MED13: variants seen among roughly 807,000 people sequenced by gnomAD.
The protein encoded by MED13 is mediator complex subunit 13, also known as mediator of RNA polymerase II transcription subunit 13.
A neutral mutation model predicts 225.2 loss-of-function variants in MED13; 23 were observed. That is an observed-to-expected ratio of 0.10 (90% CI 0.07 to 0.14). The LOEUF (loss-of-function observed/expected upper bound fraction) is 0.14, where lower values mean the gene tolerates loss of function less well. MED13 is among the 10% of genes least tolerant of loss of function. The pLI is 1.00. For missense variants in MED13, 2,197 were observed against 2,594.5 expected (o/e 0.85, Z 3.33); for synonymous variants, 942 against 889.2 (o/e 1.06, Z -1.06).
intron 10 of MED13, among the ~76,000 whole-genome samples, chr17:61,993,099 C>T (rs904351489): frequency 4.0e-5 from 6 of 151,694 alleles, no homozygotes; most frequent in African/African-American, 1.5e-4. Context: ...AAAGTAGAGA[C>T]TCTAATGTGC....
intron 9 of MED13, among the ~76,000 whole-genome samples, chr17:62,000,720 A>G (rs1218747747): frequency 6.6e-6 from 1 of 152,184 alleles, no homozygotes; most frequent in Non-Finnish European, 1.5e-5. Flanking sequence ...TTCATTATTT[A>G]GCAAGACCTT....
intron 6 of MED13, 99 bp from the exon 7 acceptor site, chr17:62,030,112 G>T: frequency 9.4e-7 from 1 of 1,067,770 alleles, no homozygotes; most frequent in Non-Finnish European, 1.3e-6. Flanking sequence ...AGCTGCTCCA[G>T]CTATCTGGTA....
chr17:61,978,453 G>T (rs113831025), intron 16 of MED13, among the ~76,000 whole-genome samples: 2,821 of 152,086 alleles, frequency 0.019, 81 homozygotes, highest in African/African-American at 0.064. Flanking sequence ...GGTTTCACTA[G>T]GTTGGTCAGG....
At chr17:62,050,457 C>T (rs549794323) in intron 3 of MED13, among the ~76,000 whole-genome samples, 137 of 149,272 alleles carry the variant, frequency 9.2e-4, no homozygotes, top group African/African-American at 3.1e-3. Context: ...GCTAACCTCT[C>T]AATAGAAAGT....
intron 2 of MED13, among the ~76,000 whole-genome samples, chr17:62,054,901 T>C (rs1237328008): frequency 1.3e-5 from 2 of 152,196 alleles, no homozygotes; most frequent in Non-Finnish European, 2.9e-5. Flanking sequence ...TACCAACATA[T>C]TTCTCCTAAG....
intron 2 of MED13, among the ~76,000 whole-genome samples, chr17:62,053,135 T>C (rs557449548): frequency 3.3e-5 from 5 of 152,260 alleles, no homozygotes; most frequent in African/African-American, 4.8e-5. Context: ...CAGTTAATAA[T>C]TAAAGTCAAA....
chr17:61,946,828 C>CT, intron 29 of MED13, 89 bp downstream of exon 29: 1 of 1,306,498 alleles, frequency 7.7e-7, no homozygotes, highest in Non-Finnish European at 1.1e-6. Context: ...ACTGTAAATT[C>CT]TTGCCAAAAA....
In MED13 at chr17:62,024,210, A is replaced by T. The variant is rs139854062; in HGVS notation, c.1283+5331T>A. ...TTTTTGTATTTTTAATAGAGATGGTATTTCACCATGTTGGCCAGGCTGGTC... is the reference window on the plus strand; with the variant it reads ...TTTTTGTATTTTTAATAGAGATGGTTTTTCACCATGTTGGCCAGGCTGGTC... On this transcript the variant is annotated intron_variant, in intron 8 of 29. Coordinates refer to ENST00000397786, the MANE Select transcript of MED13 (RefSeq NM_005121.3). 1.5e-3 allele frequency among the ~76,000 whole-genome samples: 228 copies of T among 152,098 alleles called. 2 individuals carry two copies. The East Asian group carries it at 0.042, about 28-fold the overall frequency.
Position 61,962,946 on chromosome 17 carries a change from T to C in MED13, c.4870A>G (p.Ile1624Val), listed in dbSNP as rs2080015856. ...GCATGTGAATCACCATCTGTGGGGA[T>C]TCCCACTTTATCCCGATCCATCGTG... The part of the protein sequence containing the change: ...ESTMDRDKVG[I>V]PTDGDSHAVT... Residue 1624 changes from isoleucine (I) to valine (V), a missense_variant, in exon 21 of 30, where the codon ATC (isoleucine) becomes GTC (valine). Around this residue, in one of 12 missense-constraint regions of MED13, gnomAD observed 457 missense variants for 442.2 expected, o/e 1.03. Coordinates refer to ENST00000397786, the MANE Select transcript of MED13 (RefSeq NM_005121.3). 1.2e-6 allele frequency: 2 copies of C among 1,613,992 alleles called. No individual in the cohort carries two copies. The highest frequency in any genetic ancestry group is 1.7e-6 in the Non-Finnish European group (2 of 1,180,000).
At chr17:62,060,651 A>G (rs2081031816) in intron 2 of MED13, among the ~76,000 whole-genome samples, 1 of 151,588 alleles carries the variant, frequency 6.6e-6, no homozygotes, top group African/African-American at 2.4e-5. Flanking sequence ...TCTCAAAAAA[A>G]AAAAAAAAAC....
chr17:61,993,204 T>C lies in MED13; in HGVS notation c.2182-583A>G, dbSNP rs796494427. On this transcript the variant is annotated intron_variant, in intron 10 of 29. Coordinates refer to ENST00000397786, the MANE Select transcript of MED13 (RefSeq NM_005121.3). ...ATGTTCTTTCTTTCTTTCTTTCTTT[T>C]TTTTTTTTTTTTTTTGAGACAGAGT... Among the ~76,000 whole-genome samples the C allele has an allele frequency of 5.7e-4, 81 of 141,352 alleles. 1 individual carries two copies. Among genetic ancestry groups the C allele is most frequent in the Admixed American group, 1.4e-3 (20 of 14,488 alleles). 92.7% of individuals were successfully genotyped at this position (141,352 alleles called of 152,430 possible). A position where few individuals can be genotyped will look rare whatever the true frequency, so the allele number is the denominator to read the frequency against.
chr17:62,027,630 C>T (rs2080715195), intron 8 of MED13, among the ~76,000 whole-genome samples: 1 of 152,108 alleles, frequency 6.6e-6, no homozygotes, highest in Admixed American at 6.6e-5. Context: ...AAATTATCAA[C>T]AGACTAAACA....
At chr17:62,005,043 C>G (rs779677877) in intron 9 of MED13, 1 of 152,060 alleles carries the variant, frequency 6.6e-6, no homozygotes, top group Non-Finnish European at 1.5e-5. Flanking sequence ...TACAGGCGCA[C>G]GCCACCACAC....
intron 10 of MED13, among the ~76,000 whole-genome samples, chr17:61,994,147 C>T (rs1009013649): frequency 1.3e-5 from 2 of 151,830 alleles, no homozygotes; most frequent in African/African-American, 4.8e-5. Context: ...TACAGGCGCC[C>T]GCCATCGCAC....
At chr17:62,046,061 T>C (rs1326394122) in intron 3 of MED13, among the ~76,000 whole-genome samples, 2 of 152,224 alleles carry the variant, frequency 1.3e-5, no homozygotes. Flanking sequence ...TTGTTCTTTT[T>C]TCAGAATACT....
At chr17:62,042,560 C>CAAAAAAAAAAAA (rs377646442) in intron 3 of MED13, among the ~76,000 whole-genome samples, 3 of 60,296 alleles carry the variant, frequency 5.0e-5, no homozygotes, top group African/African-American at 1.2e-4. Context: ...GGTTTCATCT[C>CAAAAAAAAAAAA]AAAAAAAAAA....
chr17:62,043,921 C>T (rs1488347548), intron 3 of MED13, among the ~76,000 whole-genome samples: 9 of 151,738 alleles, frequency 5.9e-5, no homozygotes, highest in South Asian at 4.2e-4. Flanking sequence ...CTATGTGGCT[C>T]ACATTATACT....
At chr17:62,039,546 G>A (rs750548773) in intron 3 of MED13, among the ~76,000 whole-genome samples, 1 of 149,360 alleles carries the variant, frequency 6.7e-6, no homozygotes, top group Admixed American at 6.7e-5. Flanking sequence ...GCCTCCCAAA[G>A]TGCTATAAAT....
intron 8 of MED13, among the ~76,000 whole-genome samples, chr17:62,025,389 T>C (rs757538553): frequency 7.2e-5 from 11 of 152,200 alleles, no homozygotes; most frequent in Non-Finnish European, 1.2e-4. Flanking sequence ...TTCAGTTGGC[T>C]GGGCATGGTG....
Sources: allele counts gnomAD v4.1 joint callset (sites outside exome capture counted in the v4.1 genomes callset), GRCh38; gene constraint gnomAD v4.1.1; regional missense constraint gnomAD v4.1.1; transcripts MANE v1.5; gene names NCBI Gene and HGNC (gene_info 2026-07-23, HGNC 2026-07-21).